The following HS3ST4 variants were observed in gnomAD, a reference collection of about 807,000 sequenced individuals.
HS3ST4 encodes the protein heparan sulfate glucosamine 3-O-sulfotransferase 4.
A neutral mutation model predicts 29.2 loss-of-function variants in HS3ST4; 17 were observed. That is an observed-to-expected ratio of 0.58 (90% CI 0.40 to 0.87). The LOEUF is 0.87. Ranked by LOEUF, HS3ST4 falls within the 40% of genes least tolerant of loss-of-function variation. The probability of loss-of-function intolerance (pLI) is 0.00; values close to 1 mark genes in which losing one functional copy is unlikely to be tolerated. For synonymous variants in HS3ST4, 314 were observed against 285.7 expected (o/e 1.10, Z -1.00); for missense variants, 627 against 634.5 (o/e 0.99, Z 0.13).
intron 1 of HS3ST4, among the ~76,000 whole-genome samples, chr16:26,064,084 G>A (rs920472261): frequency 1.3e-4 from 20 of 152,066 alleles, no homozygotes; most frequent in Non-Finnish European, 2.6e-4. Context: ...CAAGAGAATG[G>A]GGCTAGTGTC....
chr16:25,843,228 A>G (rs1365438004), intron 1 of HS3ST4, among the ~76,000 whole-genome samples: 1 of 151,590 alleles, frequency 6.6e-6, no homozygotes, highest in African/African-American at 2.4e-5. Flanking sequence ...TAGTCTCTGA[A>G]GCGGTTCTGC....
rs939077647 is a variant in HS3ST4, at chr16:26,081,748, C to T, written c.735-53864C>T. 6.1e-5 allele frequency among the ~76,000 whole-genome samples: 9 copies of T among 148,488 alleles called. 1 individual carries two copies. Among genetic ancestry groups the T allele is most frequent in the South Asian group, 4.3e-4 (2 of 4,644 alleles). On this transcript the variant is annotated intron_variant, in intron 1 of 1. Transcript: ENST00000331351. ...AGAGAACAAGCCACTTAGGAACTGC[C>T]GGTAGAGGTAGACCCCATGTACTTC...
intron 1 of HS3ST4, among the ~76,000 whole-genome samples, chr16:25,881,006 C>A (rs1328919399): frequency 6.6e-6 from 1 of 152,052 alleles, no homozygotes; most frequent in Non-Finnish European, 1.5e-5. Context: ...GGATGGCTCA[C>A]CCATCAAGGA....
intron 1 of HS3ST4, among the ~76,000 whole-genome samples, chr16:25,855,221 T>C (rs1214654719): frequency 6.6e-6 from 1 of 152,010 alleles, no homozygotes; most frequent in African/African-American, 2.4e-5. Flanking sequence ...AATTCTTGAG[T>C]TCAGAAAAGG....
intron 1 of HS3ST4, among the ~76,000 whole-genome samples, chr16:25,794,009 G>C (rs1459179420): frequency 6.6e-6 from 1 of 151,444 alleles, no homozygotes; most frequent in Non-Finnish European, 1.5e-5. Context: ...ATATTCTTGT[G>C]CTATCTTTTA....
At chr16:25,999,873 T>TTATATATTTTA (rs1969195364) in intron 1 of HS3ST4, among the ~76,000 whole-genome samples, 1 of 125,752 alleles carries the variant, frequency 8.0e-6, no homozygotes, top group Non-Finnish European at 1.6e-5. Flanking sequence ...ATTATATATT[T>TTATATATTTTA]TATATATATT....
chr16:25,908,277 C>G (rs1487137958), intron 1 of HS3ST4, among the ~76,000 whole-genome samples: 1 of 152,212 alleles, frequency 6.6e-6, no homozygotes, highest in Non-Finnish European at 1.5e-5. Context: ...GATGTATTTT[C>G]TAGCAGCATC....
At position 25,963,668 on chromosome 16, in the gene HS3ST4, G is replaced by A. The variant is rs545550165; in HGVS notation, c.735-171944G>A. On this transcript the variant is annotated intron_variant, in intron 1 of 1. Coordinates refer to ENST00000331351, the MANE Select transcript of HS3ST4 (RefSeq NM_006040.3). ...TCATCAAATAATTTAGTCTTGTAAT[G>A]TTGGAGGCAAACGTTCTTCCTCTTA... 2.0e-5 allele frequency among the ~76,000 whole-genome samples: 3 copies of A among 152,314 alleles called. No homozygotes were observed. In the South Asian group the frequency reaches 6.2e-4, roughly 32 times the overall value.
intron 1 of HS3ST4, among the ~76,000 whole-genome samples, chr16:26,121,654 C>G (rs1336956101): frequency 2.6e-5 from 4 of 152,164 alleles, no homozygotes; most frequent in Non-Finnish European, 5.9e-5. Flanking sequence ...GTGGAGAGAC[C>G]TGGAGCGCAG....
intron 1 of HS3ST4, among the ~76,000 whole-genome samples, chr16:25,811,197 A>T (rs932124113): frequency 6.6e-6 from 1 of 152,108 alleles, no homozygotes; most frequent in African/African-American, 2.4e-5. Context: ...TTTTTCAATA[A>T]AACACCTGCC....
chr16:25,709,741 T>A (rs1364124108), intron 1 of HS3ST4, among the ~76,000 whole-genome samples: 1 of 151,884 alleles, frequency 6.6e-6, no homozygotes, highest in Non-Finnish European at 1.5e-5. Context: ...GGAAAAAAAA[T>A]GTATCCAGTC....
At chr16:26,107,938 A>C (rs907831878) in intron 1 of HS3ST4, among the ~76,000 whole-genome samples, 6 of 152,132 alleles carry the variant, frequency 3.9e-5, no homozygotes, top group African/African-American at 1.4e-4. Context: ...CGAATGGTAG[A>C]TCTGCTTTTA....
chr16:25,994,711 G>A (rs1477545501), intron 1 of HS3ST4, among the ~76,000 whole-genome samples: 1 of 151,914 alleles, frequency 6.6e-6, no homozygotes, highest in Non-Finnish European at 1.5e-5. Context: ...ACTATATTAT[G>A]CCCTTTGTAA....
chr16:25,737,165 A>C (rs7498850), intron 1 of HS3ST4, among the ~76,000 whole-genome samples: 36,231 of 152,142 alleles, frequency 0.24, 5,042 homozygotes, highest in East Asian at 0.63. Flanking sequence ...CACAGCCATA[A>C]AAAAGTACGA....
intron 1 of HS3ST4, among the ~76,000 whole-genome samples, chr16:25,964,146 G>A (rs1968820335): frequency 1.3e-5 from 2 of 150,416 alleles, no homozygotes; most frequent in South Asian, 2.1e-4. Flanking sequence ...TTGCACTCCA[G>A]CCTGAGTGAC....
chr16:25,700,387 T>C (rs1966326881), intron 1 of HS3ST4, among the ~76,000 whole-genome samples: 2 of 152,214 alleles, frequency 1.3e-5, no homozygotes, highest in South Asian at 4.1e-4. Flanking sequence ...TTCGTGCTTC[T>C]GCAGAACCGA....
intron 1 of HS3ST4, among the ~76,000 whole-genome samples, chr16:25,701,566 T>A (rs1346667531): frequency 6.6e-6 from 1 of 152,318 alleles, no homozygotes; most frequent in East Asian, 1.9e-4. Context: ...AGGCATATGA[T>A]CTCTCTAATC....
intron 1 of HS3ST4, among the ~76,000 whole-genome samples, chr16:25,796,979 G>T (rs1966889666): frequency 6.6e-6 from 1 of 152,098 alleles, no homozygotes; most frequent in South Asian, 2.1e-4. Flanking sequence ...GCCTCCTTCG[G>T]GTTTCAGCCA....
In HS3ST4 at chr16:26,069,804, G is replaced by GT. The variant is rs1491550043; in HGVS notation, c.735-65807dup. Among the ~76,000 whole-genome samples, 22 of 148,048 alleles carry GT rather than the reference G, an allele frequency of 1.5e-4. No individual in the cohort carries two copies. In the East Asian group the frequency reaches 4.5e-3, roughly 30 times the overall value. On this transcript the variant is annotated intron_variant, in intron 1 of 1. Transcript: ENST00000331351. ...TCCCACCTATGAGTGAGAACATGCAGTGTTTGGTTTTTTGTCCTTGCCATA... is the reference window on the plus strand; with the variant it reads ...TCCCACCTATGAGTGAGAACATGCAGTTGTTTGGTTTTTTGTCCTTGCCATA...
Sources: gnomAD v4.1 joint callset for allele counts (sites outside exome capture counted in the v4.1 genomes callset) on GRCh38, gnomAD v4.1.1 for gene constraint, MANE v1.5 for transcripts, NCBI Gene and HGNC (gene_info 2026-07-23, HGNC 2026-07-21) for gene names.